TTBK2: variants seen among roughly 807,000 people sequenced by gnomAD.
The protein encoded by TTBK2 is tau-tubulin kinase 2.
Under a neutral mutation model 110.8 loss-of-function variants are expected in TTBK2, and 28 were observed. The ratio of observed to expected loss-of-function variants is 0.25; its 90% CI spans 0.19 to 0.35. TTBK2 has a LOEUF of 0.35. Ranked by LOEUF, TTBK2 falls within the 10% of genes least tolerant of loss-of-function variation. The pLI is 1.00. For missense variants in TTBK2, 1,369 were observed against 1,500.3 expected (o/e 0.91, Z 1.45); for synonymous variants, 532 against 527.3 (o/e 1.01, Z -0.12).
intron 13 of TTBK2, among the ~76,000 whole-genome samples, chr15:42,768,883 A>C (rs1889518088): frequency 6.6e-6 from 1 of 152,214 alleles, no homozygotes; most frequent in Non-Finnish European, 1.5e-5. Context: ...ACAGTAACCA[A>C]AACAGCATGG....
intron 3 of TTBK2, among the ~76,000 whole-genome samples, chr15:42,847,968 C>T (rs185410393): frequency 2.0e-5 from 3 of 152,178 alleles, no homozygotes; most frequent in Admixed American, 1.3e-4. Flanking sequence ...ATTTCAGCCT[C>T]CCGAGCAGCG....
At chr15:42,762,845 A>C (rs778660481) in intron 13 of TTBK2, among the ~76,000 whole-genome samples, 20 of 151,960 alleles carry the variant, frequency 1.3e-4, no homozygotes, top group Non-Finnish European at 2.6e-4. Context: ...TGTTATGTTA[A>C]ATGAAATAAG....
At chr15:42,878,048 G>T (rs1388462309) in intron 2 of TTBK2, among the ~76,000 whole-genome samples, 2 of 148,612 alleles carry the variant, frequency 1.3e-5, no homozygotes, top group African/African-American at 4.9e-5. Context: ...GCAGCTCATT[G>T]TACTTCCTTT....
Position 42,777,188 on chromosome 15 carries a change from G to T in TTBK2, c.1252C>A (p.Pro418Thr), listed in dbSNP as rs367624684. The change falls in exon 12 of 15, where the codon CCA becomes ACA. Residue 418 changes from proline to threonine, a missense_variant. Transcript: ENST00000267890. ...HGQANGLLNA[P>T]SLGSPIRVRS... ...ACACGAATTGGTGACCCAAGGCTTG[G>T]AGCATTGAGAAGACCATTTGCCTGG... 9 of 1,614,038 alleles carry T rather than the reference G, an allele frequency of 5.6e-6. No individual in the cohort carries two copies. Among genetic ancestry groups the T allele is most frequent in the Non-Finnish European group, 7.6e-6 (9 of 1,180,042 alleles).
intron 13 of TTBK2, among the ~76,000 whole-genome samples, chr15:42,763,123 T>G: frequency 9.7e-6 from 1 of 102,730 alleles, no homozygotes; most frequent in African/African-American, 4.7e-5. Flanking sequence ...TATATACACA[T>G]ATATATACAT....
chr15:42,917,287 A>AT (rs1482881944), intron 1 of TTBK2, among the ~76,000 whole-genome samples: 2 of 152,212 alleles, frequency 1.3e-5, no homozygotes, highest in Non-Finnish European at 2.9e-5. Context: ...TGTAAGTACT[A>AT]TATGTTCACT....
chr15:42,808,790 C>CA (rs1222609957), intron 9 of TTBK2, among the ~76,000 whole-genome samples: 1 of 152,140 alleles, frequency 6.6e-6, no homozygotes, highest in Non-Finnish European at 1.5e-5. Context: ...GTTGAAGCTG[C>CA]AGTGAGCCAT....
chr15:42,830,588 TATC>T (rs1459525340), intron 4 of TTBK2, among the ~76,000 whole-genome samples: 1 of 152,162 alleles, frequency 6.6e-6, no homozygotes, highest in Non-Finnish European at 1.5e-5. Context: ...ATTTTTAGCA[TATC>T]ATGTTTCTGA....
Position 42,753,073 on chromosome 15 carries a change from C to A in TTBK2, c.2173G>T (p.Gly725Ter). ...TGAAGCCCCAAATCTGTTCTGCTTC[C>A]TCCACTAGGAGGTTCACCCTCTGTC... Reference protein sequence around the residue: ...VVTEGEPPSGGSRTDLGLQID... With the variant: ...VVTEGEPPSG The change falls in exon 14 of 15, where the codon GGA becomes TGA. Residue 725 changes from glycine (G) to a stop codon, truncating the protein, a stop_gained. Transcript: ENST00000267890. LOFTEE classifies it high-confidence loss of function. The A allele has an allele frequency of 6.2e-7, 1 of 1,610,218 alleles. No individual in the cohort carries two copies. Among genetic ancestry groups the A allele is most frequent in the Non-Finnish European group, 8.5e-7 (1 of 1,178,060 alleles).
chr15:42,793,237 C>T (rs1327287032), intron 10 of TTBK2, among the ~76,000 whole-genome samples: 26 of 152,058 alleles, frequency 1.7e-4, no homozygotes, highest in African/African-American at 7.3e-5. Flanking sequence ...CAGGAATAGG[C>T]GTTTTTTAAA....
intron 6 of TTBK2, among the ~76,000 whole-genome samples, chr15:42,821,218 A>T (rs934663807): frequency 6.6e-6 from 1 of 152,232 alleles, no homozygotes; most frequent in Non-Finnish European, 1.5e-5. Flanking sequence ...GAAATTCTGG[A>T]AGAATATATT....
chr15:42,812,225 C>A (rs1891753531), intron 7 of TTBK2, among the ~76,000 whole-genome samples: 1 of 152,128 alleles, frequency 6.6e-6, no homozygotes, highest in Admixed American at 6.5e-5. Flanking sequence ...TGAGTTGTAA[C>A]TGAGATACAC....
Position 42,745,936 on chromosome 15 carries a change from G to C in TTBK2, c.3594C>G (p.Ser1198=). 1 of 1,614,150 alleles carries C rather than the reference G, an allele frequency of 6.2e-7. No homozygotes were observed. Among genetic ancestry groups the C allele is most frequent in the Non-Finnish European group, 8.5e-7 (1 of 1,180,028 alleles). The change falls in exon 15 of 15, where the codon TCC becomes TCG. Residue 1198 remains serine (S), a synonymous_variant. Transcript: ENST00000267890. The part of the protein sequence containing the change: ...SKSPPSHSGS[S]SSRRSCQQEH... ...CCTGTTGGCAGGACCTCCTGGAGGA[G>C]GAAGATCCTGAGTGGCTGGGAGGTG... is the stretch of plus-strand genomic sequence containing the variant.
intron 13 of TTBK2, among the ~76,000 whole-genome samples, chr15:42,765,223 C>T (rs187148905): frequency 6.0e-4 from 91 of 152,322 alleles, no homozygotes; most frequent in African/African-American, 2.1e-3. Flanking sequence ...CAAAGGATTG[C>T]AGCTCCTCGC....
rs547935585 is a variant in TTBK2 at position 42,751,730 on chromosome 15, C to A, written c.3272+244G>T. ...CTCCACTCCAGCCTGCGTGACAGAGCGAGACTCTGTCTCAAAAACAAACGA... is the reference window on the plus strand; with the variant it reads ...CTCCACTCCAGCCTGCGTGACAGAGAGAGACTCTGTCTCAAAAACAAACGA... On this transcript the variant is annotated intron_variant, in intron 14 of 14. Coordinates refer to ENST00000267890, the MANE Select transcript of TTBK2 (RefSeq NM_173500.4). Among the ~76,000 whole-genome samples the A allele has an allele frequency of 3.3e-5, 5 of 152,248 alleles. No homozygotes were observed. In the South Asian group the frequency reaches 8.3e-4, roughly 25 times the overall value.
intron 6 of TTBK2, among the ~76,000 whole-genome samples, chr15:42,822,140 T>C (rs549299411): frequency 1.3e-5 from 2 of 152,318 alleles, no homozygotes; most frequent in Non-Finnish European, 2.9e-5. Flanking sequence ...TTTTATTGAG[T>C]TGTATGAGTT....
intron 13 of TTBK2, among the ~76,000 whole-genome samples, chr15:42,756,716 AAG>A (rs2061952156): frequency 3.9e-5 from 6 of 152,184 alleles, no homozygotes; most frequent in Admixed American, 3.9e-4. Flanking sequence ...GTATAAAAAA[AAG>A]AGTGGCAATT....
At chr15:42,803,182 G>A (rs888060210) in intron 9 of TTBK2, among the ~76,000 whole-genome samples, 15 of 152,052 alleles carry the variant, frequency 9.9e-5, no homozygotes, top group African/African-American at 3.4e-4. Context: ...AAGCTAGATG[G>A]TACAGCCTAT....
intron 4 of TTBK2, among the ~76,000 whole-genome samples, 173 bp from the exon 5 acceptor site, chr15:42,830,251 G>A (rs911852362): frequency 1.3e-4 from 20 of 151,650 alleles, no homozygotes; most frequent in African/African-American, 4.4e-4. Flanking sequence ...GCAATGGTGC[G>A]ATGTCGGCTC....
Sources: gnomAD v4.1 joint callset for allele counts (sites outside exome capture counted in the v4.1 genomes callset) on GRCh38, gnomAD v4.1.1 for gene constraint, MANE v1.5 for transcripts, NCBI Gene and HGNC (gene_info 2026-07-23, HGNC 2026-07-21) for gene names.